Variants in THAP2 observed in about 807,000 individuals in gnomAD.
THAP2 encodes THAP domain containing 2.
A neutral mutation model predicts 18.8 loss-of-function variants in THAP2; 16 were observed. The ratio of observed to expected loss-of-function variants is 0.85; its 90% CI spans 0.58 to 1.29. The LOEUF (loss-of-function observed/expected upper bound fraction) is 1.29, where lower values mean the gene tolerates loss of function less well. Among genes scored for constraint, THAP2 ranks in the 50% most tolerant of loss-of-function variants. The pLI is 0.00. For synonymous variants in THAP2, 80 were observed against 89.2 expected, an observed-to-expected ratio of 0.90 and a Z score of 0.58; for missense variants, 251 against 265.3, an observed-to-expected ratio of 0.95 and a Z score of 0.38.
chr12:71,676,912 G>A lies in THAP2; in HGVS notation c.491G>A (p.Arg164Gln), dbSNP rs769285316. ...TCLQKERRAT[R>Q]RWIKATCLVK... is the part of the protein sequence containing the mutation. ...CTACAAAAGGAACGCAGAGCAACTC[G>A]AAGATGGATCAAAGCCACGTGTTTG... Residue 164 changes from arginine (R) to glutamine (Q), a missense_variant, in exon 3 of 3, where the codon CGA becomes CAA. Coordinates refer to ENST00000308086, the MANE Select transcript of THAP2 (RefSeq NM_031435.4). The A allele has an allele frequency of 8.7e-6, 14 of 1,613,756 alleles. No individual in the cohort carries two copies. Among genetic ancestry groups the A allele is most frequent in the East Asian group, 6.7e-5 (3 of 44,864 alleles).
intron 1 of THAP2, among the ~76,000 whole-genome samples, chr12:71,673,133 G>A (rs975699221): frequency 1.3e-5 from 2 of 152,040 alleles, no homozygotes; most frequent in African/African-American, 2.4e-5. Context: ...TATGGTCTCT[G>A]TAAATTTTGA....
Position 71,674,310 on chromosome 12 carries a change from C to G in THAP2, c.179C>G (p.Ser60Cys), listed in dbSNP as rs2137581315. The G allele has an allele frequency of 6.2e-7, 1 of 1,613,312 alleles. No individual in the cohort carries two copies. ...TFLCSKHFEA[S>C]CFDLTGQTRR... Reference sequence around the variant, plus strand: ...CTTTGTTCAAAGCACTTTGAAGCCTCCTGTTTTGACCTAACAGGACAAACT... The same window carrying G: ...CTTTGTTCAAAGCACTTTGAAGCCTGCTGTTTTGACCTAACAGGACAAACT... The change falls in exon 2 of 3, where the codon TCC becomes TGC. Residue 60 changes from serine to cysteine, a missense_variant. By Grantham distance (112) the Ser-to-Cys change is moderately radical. Transcript: ENST00000308086.
intron 1 of THAP2, among the ~76,000 whole-genome samples, chr12:71,666,392 A>G (rs1423332807): frequency 1.3e-5 from 2 of 152,126 alleles, no homozygotes; most frequent in Non-Finnish European, 2.9e-5. Context: ...GCATGCCTGT[A>G]GTCCCAGCTA....
chr12:71,664,638 T>G, intron 1 of THAP2, 58 bp downstream of exon 1: 13 of 1,588,220 alleles, frequency 8.2e-6, no homozygotes, highest in African/African-American at 1.3e-5. Flanking sequence ...TGGCTATCGC[T>G]TGTGTGGAAG....
At position 71,674,186 on chromosome 12, in the gene THAP2, A is replaced by ATTT. The variant is rs5799053; in HGVS notation, c.72-6_72-4dup. 226 of 1,350,234 alleles carry ATTT rather than the reference A, an allele frequency of 1.7e-4. No individual in the cohort carries two copies. The highest frequency in any genetic ancestry group is 7.9e-4 in the South Asian group (56 of 70,464). The allele number at this position is 1,350,234 out of a possible 1,614,324, so 83.6% of individuals were successfully genotyped here. A position where few individuals can be genotyped will look rare whatever the true frequency, so the allele number is the denominator to read the frequency against. ...TTATGATAGTTGGAATTTGAGTTGCATTTTTTTTTTTTTAAGGTTTCCTTT... is the reference window on the plus strand; with the variant it reads ...TTATGATAGTTGGAATTTGAGTTGCATTTTTTTTTTTTTTTTAAGGTTTCCTTT... On this transcript the variant is annotated splice_polypyrimidine_tract_variant and intron_variant, in intron 1 of 2. Transcript: ENST00000308086.
At position 71,677,969 on chromosome 12, in the gene THAP2, C is replaced by T. The variant is rs1881546230; in HGVS notation, c.*861C>T. The T allele has an allele frequency of 6.6e-6, 1 of 152,152 alleles. No homozygotes were observed. The highest frequency in any genetic ancestry group is 6.5e-5 in the Admixed American group (1 of 15,268). 9.4% of individuals were successfully genotyped at this position (152,152 alleles called of 1,614,324 possible). On this transcript the variant is annotated 3_prime_UTR_variant, in exon 3 of 3. Transcript: ENST00000308086. ...TTTCTTTTTAACTACTTTCCAAATG[C>T]ATACTATACCTCAGAAATAGTGTAT...
chr12:71,670,919 CAA>C (rs767735065), intron 1 of THAP2, among the ~76,000 whole-genome samples: 76 of 87,128 alleles, frequency 8.7e-4, no homozygotes, highest in South Asian at 1.1e-3. Context: ...GCCTGGGCAA[CAA>C]GAGCAAAACT....
At chr12:71,668,379 C>T (rs936764625) in intron 1 of THAP2, among the ~76,000 whole-genome samples, 2 of 152,176 alleles carry the variant, frequency 1.3e-5, no homozygotes, top group Admixed American at 6.5e-5. Flanking sequence ...TTAGCATGTA[C>T]TGTGCACTGG....
chr12:71,664,977 A>G (rs1411510616), intron 1 of THAP2: 2 of 702,218 alleles, frequency 2.8e-6, no homozygotes, highest in African/African-American at 3.5e-5. Flanking sequence ...TTCTCACTAG[A>G]TGAATTGACA....
In THAP2 at chr12:71,674,285, C is replaced by T. The variant is rs1316890633; in HGVS notation, c.154C>T (p.Leu52Phe). ...TTTTGTGCCAGGAAAACACACTTTT[C>T]TTTGTTCAAAGCACTTTGAAGCCTC... The part of the protein sequence containing the change: ...KNFVPGKHTF[L>F]CSKHFEASCF... Residue 52 changes from leucine to phenylalanine, a missense_variant, in exon 2 of 3, where the codon CTT (leucine) becomes TTT (phenylalanine). Leu to Phe is a conservative substitution (Grantham distance 22). Coordinates refer to ENST00000308086, the MANE Select transcript of THAP2 (RefSeq NM_031435.4). The T allele has an allele frequency of 1.2e-6, 2 of 1,612,650 alleles. No homozygotes were observed. The highest frequency in any genetic ancestry group is 1.7e-6 in the Non-Finnish European group (2 of 1,179,318).
intron 2 of THAP2, among the ~76,000 whole-genome samples, chr12:71,674,828 A>G (rs1475690935): frequency 6.6e-6 from 1 of 152,130 alleles, no homozygotes; most frequent in African/African-American, 2.4e-5. Context: ...GAGCTTGGGC[A>G]TTCAGGGTGG....
intron 1 of THAP2, among the ~76,000 whole-genome samples, chr12:71,672,250 C>T (rs1200572311): frequency 6.6e-6 from 1 of 152,162 alleles, no homozygotes; most frequent in Non-Finnish European, 1.5e-5. Flanking sequence ...ATCTTAATGG[C>T]ATCTGGGAAC....
intron 1 of THAP2, 39 bp downstream of exon 1, chr12:71,664,619 T>C: frequency 6.2e-7 from 1 of 1,608,792 alleles, no homozygotes; most frequent in Non-Finnish European, 8.5e-7. Flanking sequence ...GAAACTGGAG[T>C]TCCTATTGTG....
rs5799053 is a variant in THAP2, at chr12:71,674,186, AT to A, written c.72-4del. Reference sequence around the variant, plus strand: ...TTATGATAGTTGGAATTTGAGTTGCATTTTTTTTTTTTTAAGGTTTCCTTTG... The same window carrying A: ...TTATGATAGTTGGAATTTGAGTTGCATTTTTTTTTTTTAAGGTTTCCTTTG... On this transcript the variant is annotated splice_polypyrimidine_tract_variant and intron_variant, in intron 1 of 2. Coordinates refer to ENST00000308086, the MANE Select transcript of THAP2 (RefSeq NM_031435.4). The A allele has an allele frequency of 0.02, 25,069 of 1,277,824 alleles. 5 individuals carry two copies. Among genetic ancestry groups the A allele is most frequent in the Non-Finnish European group, 0.021 (20,040 of 935,146 alleles). 79.2% of individuals were successfully genotyped at this position (1,277,824 alleles called of 1,614,324 possible). A position where few individuals can be genotyped will look rare whatever the true frequency, so the allele number is the denominator to read the frequency against.
chr12:71,669,832 C>A (rs1414296066), intron 1 of THAP2, among the ~76,000 whole-genome samples: 1 of 151,778 alleles, frequency 6.6e-6, no homozygotes, highest in South Asian at 2.1e-4. Flanking sequence ...TGGTGGGCAC[C>A]TATAATCCTA....
In THAP2 at chr12:71,677,022, G is replaced by C. The variant is rs773169248; in HGVS notation, c.601G>C (p.Glu201Gln). 1 of 1,613,446 alleles carries C rather than the reference G, an allele frequency of 6.2e-7. No individual in the cohort carries two copies. Among genetic ancestry groups the C allele is most frequent in the Admixed American group, 1.7e-5 (1 of 59,968 alleles). Reference sequence around the variant, plus strand: ...AACTGCCTTAAGCAGTCTTCCTTTGGAAGATTTTAAGATCCTTGAACAAGA... The same window carrying C: ...AACTGCCTTAAGCAGTCTTCCTTTGCAAGATTTTAAGATCCTTGAACAAGA... ...LPTALSSLPL[E>Q]DFKILEQDQQ... Residue 201 changes from glutamate (E) to glutamine (Q), a missense_variant, in exon 3 of 3, where the codon GAA becomes CAA. Transcript: ENST00000308086.
intron 1 of THAP2, chr12:71,665,102 G>A: frequency 1.6e-6 from 1 of 631,618 alleles, no homozygotes; most frequent in East Asian, 2.7e-5. Context: ...TAACCTTTCT[G>A]TTCTTACTAG....
At chr12:71,676,594 A>G in intron 2 of THAP2, 95 bp from the exon 3 acceptor site, 1 of 1,258,088 alleles carries the variant, frequency 7.9e-7, no homozygotes, top group East Asian at 2.4e-5. Context: ...CTTTTAAAAG[A>G]GCAGTTTAAA....
chr12:71,664,426 G>A lies in THAP2; in HGVS notation c.-84G>A. ...CTCACGATTAAGGCACGCCTGCCTC[G>A]ATTGTCCAGCCTCTGCCAGAAGAAA... On this transcript the variant is annotated 5_prime_UTR_variant, in exon 1 of 3. Coordinates refer to ENST00000308086, the MANE Select transcript of THAP2 (RefSeq NM_031435.4). 6.4e-7 allele frequency: 1 copy of A among 1,564,160 alleles called. No homozygotes were observed. The highest frequency in any genetic ancestry group is 1.7e-5 in the Admixed American group (1 of 59,918).
Sources: allele counts gnomAD v4.1 joint callset (sites outside exome capture counted in the v4.1 genomes callset), GRCh38; gene constraint gnomAD v4.1.1; transcripts MANE v1.5; gene names NCBI Gene and HGNC (gene_info 2026-07-23, HGNC 2026-07-21).